The following ST3GAL3 variants were observed in gnomAD, a reference collection of about 807,000 sequenced individuals.
ST3GAL3 encodes CMP-N-acetylneuraminate-beta-1,4-galactoside alpha-2,3-sialyltransferase.
ST3GAL3 carries 21 observed loss-of-function variants against 50.1 expected under a neutral mutation model. The ratio of observed to expected loss-of-function variants is 0.42; its 90% confidence interval spans 0.30 to 0.60. ST3GAL3 has a LOEUF of 0.60. Among genes scored for constraint, ST3GAL3 ranks in the 20% least tolerant of loss-of-function variants. The probability of loss-of-function intolerance (pLI) is 0.19; values close to 1 mark genes in which losing one functional copy is unlikely to be tolerated. For missense variants in ST3GAL3, 353 were observed against 489.4 expected, an observed-to-expected ratio of 0.72 and a Z score of 2.63; for synonymous variants, 183 against 190.0, an observed-to-expected ratio of 0.96 and a Z score of 0.30.
At chr1:43,774,373 G>A (rs1696406493) in intron 2 of ST3GAL3, among the ~76,000 whole-genome samples, 1 of 152,202 alleles carries the variant, frequency 6.6e-6, no homozygotes, top group Non-Finnish European at 1.5e-5. Flanking sequence ...CTTGTGGAAG[G>A]TTTTGTAATG....
At chr1:43,799,109 G>C (rs536540000) in intron 3 of ST3GAL3, among the ~76,000 whole-genome samples, 1 of 152,270 alleles carries the variant, frequency 6.6e-6, no homozygotes, top group African/African-American at 2.4e-5. Flanking sequence ...ATGTATGTAC[G>C]TTCATACATA....
At chr1:43,833,835 G>T (rs1012377740) in intron 4 of ST3GAL3, among the ~76,000 whole-genome samples, 6 of 152,172 alleles carry the variant, frequency 3.9e-5, no homozygotes, top group African/African-American at 9.7e-5. Flanking sequence ...TGGAAAGTTC[G>T]CAAGGGAAGT....
chr1:43,722,807 C>T (rs748899826), intron 1 of ST3GAL3, among the ~76,000 whole-genome samples: 5 of 152,022 alleles, frequency 3.3e-5, no homozygotes, highest in South Asian at 2.1e-4. Context: ...AGTAATTCCT[C>T]GGGGTGAAAC....
chr1:43,874,046 G>A (rs1305180115), intron 5 of ST3GAL3, among the ~76,000 whole-genome samples: 1 of 152,102 alleles, frequency 6.6e-6, no homozygotes, highest in African/African-American at 2.4e-5. Flanking sequence ...CCAGGAAAAT[G>A]TGATATTCTG....
intron 6 of ST3GAL3, among the ~76,000 whole-genome samples, chr1:43,895,310 G>A (rs1215481440): frequency 6.6e-6 from 1 of 152,090 alleles, no homozygotes; most frequent in Non-Finnish European, 1.5e-5. Context: ...CCATTGCCTT[G>A]GGGACCTCAC....
chr1:43,857,674 G>T (rs2068849560), intron 5 of ST3GAL3, among the ~76,000 whole-genome samples: 1 of 149,528 alleles, frequency 6.7e-6, no homozygotes. Context: ...GGAGTGCAAT[G>T]GTGTGATTTT....
At chr1:43,916,337 G>C (rs1395209364) in intron 9 of ST3GAL3, among the ~76,000 whole-genome samples, 1 of 152,154 alleles carries the variant, frequency 6.6e-6, no homozygotes, top group Non-Finnish European at 1.5e-5. Flanking sequence ...AGTAGGTTTG[G>C]GATCAAGGGA....
chr1:43,809,442 C>A (rs895091596), intron 3 of ST3GAL3, among the ~76,000 whole-genome samples: 5 of 152,206 alleles, frequency 3.3e-5, no homozygotes, highest in African/African-American at 1.2e-4. Flanking sequence ...TGGCTTACAT[C>A]TGTAATCCCA....
At chr1:43,904,929 T>C (rs1353452710) in intron 9 of ST3GAL3, among the ~76,000 whole-genome samples, 2 of 334 alleles carry the variant, frequency 6.0e-3, no homozygotes, top group African/African-American at 0.025. Flanking sequence ...CCGCCACTCT[T>C]CCTCCCCTTC....
chr1:43,806,694 AT>A (rs1302259298), intron 3 of ST3GAL3, among the ~76,000 whole-genome samples: 1 of 152,170 alleles, frequency 6.6e-6, no homozygotes, highest in Non-Finnish European at 1.5e-5. Context: ...ATTTAATTTA[AT>A]TTTTTTATTT....
At chr1:43,778,942 C>G (rs1281024990) in intron 2 of ST3GAL3, among the ~76,000 whole-genome samples, 5 of 151,014 alleles carry the variant, frequency 3.3e-5, no homozygotes. Context: ...CCACTGCGCC[C>G]GGCCATTCTT....
At chr1:43,810,530 A>G (rs569845152) in intron 3 of ST3GAL3, among the ~76,000 whole-genome samples, 14 of 152,254 alleles carry the variant, frequency 9.2e-5, no homozygotes, top group Non-Finnish European at 1.8e-4. Flanking sequence ...CTAGCTCTTT[A>G]GTTTTCCAAA....
intron 4 of ST3GAL3, among the ~76,000 whole-genome samples, chr1:43,829,681 G>T (rs1015466737): frequency 5.9e-5 from 9 of 152,148 alleles, no homozygotes; most frequent in African/African-American, 2.2e-4. Flanking sequence ...CCTCGGCTGA[G>T]AATGCCCTTC....
intron 5 of ST3GAL3, among the ~76,000 whole-genome samples, chr1:43,858,929 C>T (rs2069190750): frequency 6.6e-6 from 1 of 152,202 alleles, no homozygotes; most frequent in South Asian, 2.1e-4. Context: ...TGCCTTCTGC[C>T]CTGATGCAGG....
chr1:43,762,204 G>A (rs1177488946), intron 2 of ST3GAL3, among the ~76,000 whole-genome samples: 1 of 150,362 alleles, frequency 6.7e-6, no homozygotes, highest in Non-Finnish European at 1.5e-5. Flanking sequence ...CCAGGAGATT[G>A]AGGCTCCAGT....
chr1:43,915,755 A>G (rs181884257), intron 9 of ST3GAL3, among the ~76,000 whole-genome samples: 3 of 152,340 alleles, frequency 2.0e-5, no homozygotes, highest in Admixed American at 1.3e-4. Context: ...GTTACTGGCT[A>G]AAAGGCTCAG....
intron 9 of ST3GAL3, chr1:43,912,425 A>C (rs572381215): frequency 6.6e-6 from 1 of 152,270 alleles, no homozygotes; most frequent in Non-Finnish European, 1.5e-5. Flanking sequence ...CTGCACTCTT[A>C]ATTGTCAACA....
In ST3GAL3 at chr1:43,899,858, A is replaced by C. The variant is rs1409316040; in HGVS notation, c.744+131A>C. ...AGGAAACATTAATGACCCAAAGCCG[A>C]AATCACCCAATGGCAACCAGGGGGC... On this transcript the variant is annotated intron_variant, in intron 9 of 11. Coordinates refer to ENST00000347631, the MANE Select transcript of ST3GAL3 (RefSeq NM_006279.5). This position sits in a 1 kb window ranked among gnomAD's most constrained non-coding sequence, Gnocchi z 5.4. The C allele has an allele frequency of 2.2e-6, 2 of 927,520 alleles. No homozygotes were observed. Among genetic ancestry groups the C allele is most frequent in the African/African-American group, 3.3e-5 (2 of 61,268 alleles). The allele number at this position is 927,520 out of a possible 1,614,324, so 57.5% of individuals were successfully genotyped here.
At chr1:43,818,665 T>C (rs1003600629) in intron 4 of ST3GAL3, among the ~76,000 whole-genome samples, 11 of 152,056 alleles carry the variant, frequency 7.2e-5, no homozygotes, top group African/African-American at 2.7e-4. Context: ...TTACCACACA[T>C]CATTTATAAA....
Sources: gnomAD v4.1 joint callset for allele counts (sites outside exome capture counted in the v4.1 genomes callset) on GRCh38, gnomAD v4.1.1 for gene constraint, Gnocchi (gnomAD v3.1) non-coding constraint, MANE v1.5 for transcripts, NCBI Gene and HGNC (gene_info 2026-07-23, HGNC 2026-07-21) for gene names.